The following PKP2 variants were observed in gnomAD, a reference collection of about 807,000 sequenced individuals.
The protein encoded by PKP2 is plakophilin-2.
PKP2 carries 73 observed loss-of-function variants against 83.4 expected under a neutral mutation model. The ratio of observed to expected loss-of-function variants is 0.88; its 90% confidence interval spans 0.72 to 1.06. PKP2 has a LOEUF of 1.06. Ranked by LOEUF, PKP2 falls within the 50% of genes least tolerant of loss-of-function variation. PKP2 has a pLI of 0.00. For missense variants in PKP2, 966 were observed against 1,065.4 expected, an observed-to-expected ratio of 0.91 and a Z score of 1.30; for synonymous variants, 409 against 430.4, an observed-to-expected ratio of 0.95 and a Z score of 0.62.
Position 32,878,198 on chromosome 12 carries a change from C to G in PKP2, c.682G>C (p.Asp228His). The change falls in exon 3 of 13, where the codon GAC becomes CAC. Residue 228 changes from aspartate to histidine, a missense_variant. Asp to His is a moderately conservative substitution (Grantham distance 81). Coordinates refer to ENST00000340811, the MANE Select transcript of PKP2 (RefSeq NM_001005242.3). ...HRQYQHGSVS[D>H]TVFDSIPANP... ...GCAGGGATGCTGTCAAAAACGGTGT[C>G]GCTAACAGAGCCATGCTGGTACTGT... The G allele has an allele frequency of 6.2e-7, 1 of 1,614,142 alleles. No homozygotes were observed. The highest frequency in any genetic ancestry group is 8.5e-7 in the Non-Finnish European group (1 of 1,180,034).
intron 1 of PKP2, among the ~76,000 whole-genome samples, chr12:32,883,502 TAACTC>T (rs1291191690): frequency 2.0e-5 from 3 of 152,140 alleles, no homozygotes; most frequent in Admixed American, 2.0e-4. Flanking sequence ...ACATATAAAA[TAACTC>T]AGCCATGTCC....
At position 32,817,941 on chromosome 12, in the gene PKP2, C is replaced by A. The variant is rs1451251489; in HGVS notation, c.2013+3415G>T. Among the ~76,000 whole-genome samples the A allele has an allele frequency of 2.0e-5, 3 of 152,050 alleles. No homozygotes were observed. The South Asian group carries it at 6.2e-4, about 32-fold the overall frequency. On this transcript the variant is annotated intron_variant, in intron 9 of 12. Transcript: ENST00000340811. The stretch of plus-strand genomic sequence containing the variant: ...CAGTGACATTAGATTCTCATGGGGG[C>A]GCAAACCCTATTGTGAACCGCACAT...
At chr12:32,827,763 C>T (rs1956456417) in intron 6 of PKP2, among the ~76,000 whole-genome samples, 1 of 152,110 alleles carries the variant, frequency 6.6e-6, no homozygotes, top group Non-Finnish European at 1.5e-5. Context: ...ATGGTAGTTA[C>T]TTAATAAATA....
At chr12:32,833,975 T>G (rs988666554) in intron 6 of PKP2, among the ~76,000 whole-genome samples, 2 of 152,168 alleles carry the variant, frequency 1.3e-5, no homozygotes, top group Admixed American at 6.5e-5. Flanking sequence ...ATTTTTAATA[T>G]GACTACAGTA....
In PKP2 at chr12:32,810,839, G is replaced by A. The variant is rs1202841693; in HGVS notation, c.2014-8283C>T. Among the ~76,000 whole-genome samples, 5 of 35,852 alleles carry A rather than the reference G, an allele frequency of 1.4e-4. 2 individuals carry two copies. The highest frequency in any genetic ancestry group is 2.9e-4 in the African/African-American group (5 of 17,392). The allele number at this position is 35,852 out of a possible 152,430, so 23.5% of individuals were successfully genotyped here. On this transcript the variant is annotated intron_variant, in intron 9 of 12. Coordinates refer to ENST00000340811, the MANE Select transcript of PKP2 (RefSeq NM_001005242.3). ...TGGGACTACAGGCGCCCGCCACTAC[G>A]CCCGGCTAATTTTTTGTATTTTTAG...
chr12:32,889,774 A>C (rs1320084780), intron 1 of PKP2, among the ~76,000 whole-genome samples: 1 of 152,152 alleles, frequency 6.6e-6, no homozygotes. Flanking sequence ...ATGTAGGCAG[A>C]CTTTTATTAG....
At chr12:32,846,107 T>G (rs532294127) in intron 5 of PKP2, among the ~76,000 whole-genome samples, 1 of 152,272 alleles carries the variant, frequency 6.6e-6, no homozygotes, top group African/African-American at 2.4e-5. Flanking sequence ...TCACTGACAA[T>G]TACCCTGACT....
chr12:32,832,561 G>A (rs889230854), intron 6 of PKP2, among the ~76,000 whole-genome samples: 10 of 152,100 alleles, frequency 6.6e-5, no homozygotes, highest in African/African-American at 2.4e-4. Flanking sequence ...GAAACATAAA[G>A]AGTTTAAATA....
intron 9 of PKP2, among the ~76,000 whole-genome samples, chr12:32,813,987 G>C (rs530648032): frequency 6.6e-6 from 1 of 152,138 alleles, no homozygotes; most frequent in South Asian, 2.1e-4. Context: ...CATTCTGTTA[G>C]ACTATTTGCT....
At chr12:32,838,970 T>C (rs763762417) in intron 6 of PKP2, among the ~76,000 whole-genome samples, 2 of 152,200 alleles carry the variant, frequency 1.3e-5, no homozygotes, top group Non-Finnish European at 2.9e-5. Context: ...GGAGATTAAG[T>C]ATTCAACAGG....
intron 4 of PKP2, among the ~76,000 whole-genome samples, chr12:32,858,103 A>ATATATATT (rs1555146111): frequency 0.01 from 959 of 94,184 alleles, 25 homozygotes; most frequent in African/African-American, 0.047. Context: ...ATATATATAT[A>ATATATATT]TATATATATA....
intron 4 of PKP2, among the ~76,000 whole-genome samples, chr12:32,851,719 C>T (rs1002012495): frequency 6.6e-5 from 10 of 152,286 alleles, no homozygotes; most frequent in Admixed American, 2.6e-4. Flanking sequence ...CCACCCGCCT[C>T]GGCCTCCCAA....
intron 10 of PKP2, among the ~76,000 whole-genome samples, chr12:32,796,963 G>A (rs1956131713): frequency 6.6e-6 from 1 of 152,034 alleles, no homozygotes; most frequent in African/African-American, 2.4e-5. Context: ...CTTTATGACA[G>A]TACTACATGT....
chr12:32,870,190 T>C (rs1333956284), intron 3 of PKP2, among the ~76,000 whole-genome samples: 2 of 152,190 alleles, frequency 1.3e-5, no homozygotes, highest in Non-Finnish European at 1.5e-5. Flanking sequence ...TTCCAATATC[T>C]ACTAGCAAGC....
intron 1 of PKP2, among the ~76,000 whole-genome samples, chr12:32,885,665 C>CT (rs1957024221): frequency 6.6e-6 from 1 of 151,200 alleles, no homozygotes; most frequent in South Asian, 2.1e-4. Context: ...TTCCGTCCCC[C>CT]CCCCAAAAAA....
intron 6 of PKP2, among the ~76,000 whole-genome samples, chr12:32,826,341 A>G: frequency 6.6e-6 from 1 of 150,582 alleles, no homozygotes; most frequent in South Asian, 2.1e-4. Context: ...AAAGGGAATG[A>G]GAGGAAGATG....
At chr12:32,851,377 TTATAGTCCA>T (rs1956695532) in intron 4 of PKP2, among the ~76,000 whole-genome samples, 1 of 152,178 alleles carries the variant, frequency 6.6e-6, no homozygotes, top group Non-Finnish European at 1.5e-5. Flanking sequence ...AGACAAAACT[TTATAGTCCA>T]TATAAAATGA....
chr12:32,877,890 C>A lies in PKP2; in HGVS notation c.990G>T (p.Gly330=), dbSNP rs749862514. 6.2e-7 allele frequency: 1 copy of A among 1,614,168 alleles called. No individual in the cohort carries two copies. Among genetic ancestry groups the A allele is most frequent in the Non-Finnish European group, 8.5e-7 (1 of 1,180,012 alleles). ...AAGTGCTTCTCTCAGTGAGCAGATT[C>A]CCACTTCCCCCTGCGGCCGCCTGGC... ...TVGQAAAGGS[G]NLLTERSTFT... Residue 330 remains glycine, a synonymous_variant, in exon 3 of 13, where the codon GGG becomes GGT. Coordinates refer to ENST00000340811, the MANE Select transcript of PKP2 (RefSeq NM_001005242.3).
chr12:32,811,646 C>G, intron 9 of PKP2, among the ~76,000 whole-genome samples: 1 of 152,334 alleles, frequency 6.6e-6, no homozygotes, highest in African/African-American at 2.4e-5. Flanking sequence ...ACTTTCAATA[C>G]ATGATCAAAA....
Sources: allele counts gnomAD v4.1 joint callset (sites outside exome capture counted in the v4.1 genomes callset), GRCh38; gene constraint gnomAD v4.1.1; transcripts MANE v1.5; gene names NCBI Gene and HGNC (gene_info 2026-07-23, HGNC 2026-07-21).